ERCC8: variants seen among roughly 807,000 people sequenced by gnomAD.
ERCC8 encodes ERCC excision repair 8, CSA ubiquitin ligase complex subunit.
Under a neutral mutation model 54.9 loss-of-function variants are expected in ERCC8, and 52 were observed. That is an observed-to-expected ratio of 0.95 (90% CI 0.76 to 1.19). ERCC8 has a LOEUF of 1.19. Among genes scored for constraint, ERCC8 ranks in the 50% most tolerant of loss-of-function variants. ERCC8 has a pLI of 0.00. For missense variants in ERCC8, 514 were observed against 466.1 expected, an observed-to-expected ratio of 1.10 and a Z score of -0.95; for synonymous variants, 146 against 157.2, an observed-to-expected ratio of 0.93 and a Z score of 0.53.
rs1046827381 is a variant in ERCC8, at chr5:60,919,829, T to C, written c.276-1441A>G. ...CACCTTTTTGGCTGTATAGTGAAGA[T>C]TTGCATTAGGTTAGGCTGGAACATT... On this transcript the variant is annotated intron_variant, in intron 3 of 11. Transcript: ENST00000676185. Among the ~76,000 whole-genome samples the C allele has an allele frequency of 1.3e-5, 2 of 151,908 alleles. 1 individual carries two copies. The highest frequency in any genetic ancestry group is 1.3e-4 in the Admixed American group (2 of 15,202).
At chr5:60,893,963 TAATTGCTCCTGGG>T (rs1748646621) in intron 9 of ERCC8, among the ~76,000 whole-genome samples, 1 of 149,530 alleles carries the variant, frequency 6.7e-6, no homozygotes, top group Non-Finnish European at 1.5e-5. Context: ...CTTGACCTGG[TAATTGCTCCTGGG>T]AATTTATCTT....
intron 1 of ERCC8, among the ~76,000 whole-genome samples, chr5:60,938,911 T>G (rs1750174083): frequency 6.6e-6 from 1 of 152,252 alleles, no homozygotes; most frequent in Non-Finnish European, 1.5e-5. Flanking sequence ...AGTTGTCTGA[T>G]CTCTCTTTAT....
In ERCC8 at chr5:60,874,225, T is replaced by G. The variant is rs1049786668; in HGVS notation, c.*390A>C. The G allele has an allele frequency of 6.1e-6, 1 of 162,606 alleles. No homozygotes were observed. The highest frequency in any genetic ancestry group is 1.3e-5 in the Non-Finnish European group (1 of 75,290). 10.1% of individuals were successfully genotyped at this position (162,606 alleles called of 1,614,324 possible). A position where few individuals can be genotyped will look rare whatever the true frequency, so the allele number is the denominator to read the frequency against. On this transcript the variant is annotated 3_prime_UTR_variant, in exon 12 of 12. Coordinates refer to ENST00000676185, the MANE Select transcript of ERCC8 (RefSeq NM_000082.4). ...TTCTTGGCAAAATCATTCTTAAAGG[T>G]GGAAACGAGCAGGCTGATAGTACAG...
intron 8 of ERCC8, 52 bp downstream of exon 8, chr5:60,899,575 C>A (rs1748813773): frequency 1.1e-5 from 15 of 1,372,910 alleles, no homozygotes; most frequent in Non-Finnish European, 1.5e-5. Context: ...TAAAAATTTT[C>A]AATGTAAAAA....
chr5:60,903,508 C>T, intron 6 of ERCC8, 140 bp downstream of exon 6: 1 of 1,403,056 alleles, frequency 7.1e-7, no homozygotes, highest in Non-Finnish European at 9.7e-7. Flanking sequence ...ACAGAAGGAT[C>T]TTTATTTCCC....
intron 11 of ERCC8, among the ~76,000 whole-genome samples, chr5:60,878,054 C>T (rs1748071523): frequency 6.6e-6 from 1 of 152,134 alleles, no homozygotes; most frequent in Admixed American, 6.5e-5. Flanking sequence ...CCATCAATAC[C>T]TAATTTATTG....
intron 9 of ERCC8, chr5:60,892,484 G>A: frequency 1.7e-6 from 1 of 574,234 alleles, no homozygotes; most frequent in South Asian, 1.5e-5. Context: ...TATAGAAGCT[G>A]ATCTTCCCGC....
chr5:60,875,487 A>G (rs1348322589), intron 11 of ERCC8, among the ~76,000 whole-genome samples: 4 of 152,202 alleles, frequency 2.6e-5, no homozygotes, highest in Non-Finnish European at 5.9e-5. Context: ...AAACTTCTGA[A>G]TAGCTACTTC....
chr5:60,939,110 C>A (rs1289173674), intron 1 of ERCC8, among the ~76,000 whole-genome samples: 1 of 152,138 alleles, frequency 6.6e-6, no homozygotes, highest in Non-Finnish European at 1.5e-5. Flanking sequence ...ATTATTCCTT[C>A]TTTACTTAAT....
chr5:60,894,879 T>C (rs946165338), intron 9 of ERCC8, among the ~76,000 whole-genome samples: 2 of 152,044 alleles, frequency 1.3e-5, no homozygotes, highest in Non-Finnish European at 2.9e-5. Context: ...GAAGTTTAAA[T>C]AGTGATTTGT....
rs1345244837 is a variant in ERCC8, at chr5:60,869,390, C to T, written c.*5225G>A. On this transcript the variant is annotated 3_prime_UTR_variant, in exon 12 of 12. Coordinates refer to ENST00000676185, the MANE Select transcript of ERCC8 (RefSeq NM_000082.4). ...CTCATTTCGATTTTAAATAATAAAGCTAATGGTGTGTCTCTCACCAATACT... is the reference window on the plus strand; with the variant it reads ...CTCATTTCGATTTTAAATAATAAAGTTAATGGTGTGTCTCTCACCAATACT... Among the ~76,000 whole-genome samples, 1 of 152,166 alleles carries T rather than the reference C, an allele frequency of 6.6e-6. No homozygotes were observed. Among genetic ancestry groups the T allele is most frequent in the African/African-American group, 2.4e-5 (1 of 41,448 alleles).
chr5:60,882,802 T>C (rs565721233), intron 11 of ERCC8, among the ~76,000 whole-genome samples: 1 of 152,368 alleles, frequency 6.6e-6, no homozygotes, highest in Admixed American at 6.5e-5. Context: ...AAATGTTTAC[T>C]GAATTTCCTG....
At chr5:60,918,472 C>T in intron 3 of ERCC8, 84 bp from the exon 4 acceptor site, 1 of 1,234,544 alleles carries the variant, frequency 8.1e-7, no homozygotes, top group East Asian at 2.4e-5. Context: ...GTAGTAGTCT[C>T]AGGTAGGATG....
chr5:60,938,842 C>G (rs1750171816), intron 1 of ERCC8, among the ~76,000 whole-genome samples: 3 of 152,128 alleles, frequency 2.0e-5, no homozygotes, highest in Admixed American at 1.3e-4. Flanking sequence ...ATGTTTGGTG[C>G]TTTTAACCTT....
intron 1 of ERCC8, among the ~76,000 whole-genome samples, chr5:60,939,848 T>C (rs1750206533): frequency 6.6e-6 from 1 of 152,216 alleles, no homozygotes; most frequent in Admixed American, 6.5e-5. Flanking sequence ...ATGAGATGTT[T>C]TACCTTTATG....
rs1397251839 is a variant in ERCC8, at chr5:60,870,369, C to A, written c.*4246G>T. ...AAAGAGAAGTCGAAGTCAGGCCCGG[C>A]ACGGTGGCTCACGCCTGTAAATCCC... On this transcript the variant is annotated 3_prime_UTR_variant, in exon 12 of 12. Coordinates refer to ENST00000676185, the MANE Select transcript of ERCC8 (RefSeq NM_000082.4). Among the ~76,000 whole-genome samples the A allele has an allele frequency of 1.3e-5, 2 of 150,968 alleles. No homozygotes were observed. Among genetic ancestry groups the A allele is most frequent in the Non-Finnish European group, 2.9e-5 (2 of 67,904 alleles).
At chr5:60,912,624 CTA>C (rs1263327498) in intron 4 of ERCC8, among the ~76,000 whole-genome samples, 1 of 152,082 alleles carries the variant, frequency 6.6e-6, no homozygotes, top group Non-Finnish European at 1.5e-5. Flanking sequence ...ACTTCCAACG[CTA>C]TGTTAAATAG....
chr5:60,934,192 A>T (rs1172821507), intron 1 of ERCC8, among the ~76,000 whole-genome samples: 2 of 152,182 alleles, frequency 1.3e-5, no homozygotes, highest in Non-Finnish European at 2.9e-5. Flanking sequence ...ACTAGTTGAC[A>T]TTCCCACTGG....
intron 4 of ERCC8, chr5:60,918,038 T>A: frequency 2.0e-6 from 1 of 507,234 alleles, no homozygotes; most frequent in Non-Finnish European, 3.6e-6. Context: ...ATTATTCCCA[T>A]TTACAGATGA....
Sources: allele counts gnomAD v4.1 joint callset (sites outside exome capture counted in the v4.1 genomes callset), GRCh38; gene constraint gnomAD v4.1.1; transcripts MANE v1.5; gene names NCBI Gene and HGNC (gene_info 2026-07-23, HGNC 2026-07-21).